DLG2: variants seen among roughly 807,000 people sequenced by gnomAD.
DLG2 encodes discs large MAGUK scaffold protein 2.
In DLG2, 45 loss-of-function variants were observed where a neutral mutation model predicts 132.5. The ratio of observed to expected loss-of-function variants is 0.34; its 90% confidence interval spans 0.27 to 0.44. The LOEUF is 0.44. Ranked by LOEUF, DLG2 falls within the 20% of genes least tolerant of loss-of-function variation. DLG2 has a pLI of 1.00. For missense variants in DLG2, 1,045 were observed against 1,196.9 expected (o/e 0.87, Z 1.87); for synonymous variants, 424 against 419.6 (o/e 1.01, Z -0.13).
chr11:84,415,802 C>A (rs1312904307), intron 7 of DLG2, among the ~76,000 whole-genome samples: 4 of 152,084 alleles, frequency 2.6e-5, no homozygotes, highest in African/African-American at 7.2e-5. Context: ...TTTTGTTGCT[C>A]CAAAACTCAC....
chr11:84,028,868 C>A (rs570728279), intron 11 of DLG2, among the ~76,000 whole-genome samples: 1 of 152,168 alleles, frequency 6.6e-6, no homozygotes, highest in South Asian at 2.1e-4. Context: ...TAACTATTTA[C>A]ATGTCTACTT....
chr11:84,564,211 G>T (rs187570828), intron 6 of DLG2, among the ~76,000 whole-genome samples: 1 of 152,148 alleles, frequency 6.6e-6, no homozygotes, highest in South Asian at 2.1e-4. Context: ...ATTATTGGGG[G>T]TTTTTATAAA....
intron 6 of DLG2, among the ~76,000 whole-genome samples, chr11:84,819,468 C>T (rs549254812): frequency 1.3e-5 from 2 of 151,948 alleles, no homozygotes; most frequent in South Asian, 4.1e-4. Context: ...TCTAACATCA[C>T]TCTCTAACAC....
chr11:85,393,604 G>GTATA (rs145061201), intron 3 of DLG2, among the ~76,000 whole-genome samples: 3 of 143,588 alleles, frequency 2.1e-5, no homozygotes, highest in South Asian at 2.2e-4. Flanking sequence ...AGAAAATGTG[G>GTATA]TATATATATA....
intron 6 of DLG2, among the ~76,000 whole-genome samples, chr11:84,975,081 C>T (rs1382490808): frequency 6.6e-6 from 1 of 151,898 alleles, no homozygotes; most frequent in East Asian, 1.9e-4. Context: ...GCACTTTCAA[C>T]TTTACTTGAT....
At chr11:85,577,867 C>A (rs556895910) in intron 3 of DLG2, among the ~76,000 whole-genome samples, 36 of 152,260 alleles carry the variant, frequency 2.4e-4, no homozygotes, top group African/African-American at 8.7e-4. Flanking sequence ...CACTAACACT[C>A]TTCACAGAAC....
At chr11:84,858,044 C>T (rs1299078879) in intron 6 of DLG2, among the ~76,000 whole-genome samples, 1 of 151,920 alleles carries the variant, frequency 6.6e-6, no homozygotes, top group African/African-American at 2.4e-5. Context: ...AGGTACATGC[C>T]ATCACAGCTG....
chr11:85,122,969 ATTTTTTTTTT>A (rs1175644391), intron 5 of DLG2, among the ~76,000 whole-genome samples: 25 of 86,844 alleles, frequency 2.9e-4, no homozygotes, highest in South Asian at 1.2e-3. Context: ...ATATATATAT[ATTTTTTTTTT>A]TTTTTTTTTT....
intron 6 of DLG2, among the ~76,000 whole-genome samples, chr11:84,859,715 T>C (rs376653553): frequency 6.6e-6 from 1 of 151,914 alleles, no homozygotes; most frequent in African/African-American, 2.4e-5. Flanking sequence ...CTATAAACTG[T>C]GACACTTGTA....
chr11:85,160,389 T>A (rs2077933980), intron 4 of DLG2, among the ~76,000 whole-genome samples: 1 of 152,182 alleles, frequency 6.6e-6, no homozygotes, highest in Admixed American at 6.6e-5. Flanking sequence ...CATAGGTGAA[T>A]CACAGCAGAG....
intron 6 of DLG2, among the ~76,000 whole-genome samples, chr11:85,060,378 A>T (rs2063936066): frequency 6.6e-6 from 1 of 150,422 alleles, no homozygotes; most frequent in African/African-American, 2.4e-5. Context: ...CTCATAATAC[A>T]TCACAAGATG....
At chr11:84,313,860 T>C (rs1210042363) in intron 7 of DLG2, among the ~76,000 whole-genome samples, 3 of 152,196 alleles carry the variant, frequency 2.0e-5, no homozygotes, top group Non-Finnish European at 4.4e-5. Flanking sequence ...ACATCCTAGA[T>C]GTACATTTTG....
chr11:84,384,311 T>C (rs778547658), intron 7 of DLG2, among the ~76,000 whole-genome samples: 1 of 151,986 alleles, frequency 6.6e-6, no homozygotes, highest in African/African-American at 2.4e-5. Flanking sequence ...GCTGAACTAA[T>C]AAATATGGAA....
chr11:84,094,250 A>G (rs533707386), intron 10 of DLG2, among the ~76,000 whole-genome samples: 2 of 152,294 alleles, frequency 1.3e-5, no homozygotes, highest in Admixed American at 1.3e-4. Flanking sequence ...AATAAATAAT[A>G]GTGTGAATTT....
chr11:84,331,450 A>T (rs566987258), intron 7 of DLG2, among the ~76,000 whole-genome samples: 22,750 of 138,328 alleles, frequency 0.16, 1,852 homozygotes, highest in African/African-American at 0.18. Flanking sequence ...TCAAAAAAAA[A>T]AAAAAAAAAA....
chr11:85,145,345 C>T (rs1311800003), intron 5 of DLG2, among the ~76,000 whole-genome samples: 5 of 152,040 alleles, frequency 3.3e-5, no homozygotes, highest in Admixed American at 6.6e-5. Flanking sequence ...CTATGACCTT[C>T]GTCTACCCGA....
At chr11:84,961,421 C>T (rs1351573333) in intron 6 of DLG2, among the ~76,000 whole-genome samples, 1 of 151,938 alleles carries the variant, frequency 6.6e-6, no homozygotes, top group Non-Finnish European at 1.5e-5. Context: ...CAACCATGAT[C>T]CTACATACAG....
chr11:83,594,016 G>A (rs495946), intron 19 of DLG2, among the ~76,000 whole-genome samples: 47,542 of 152,096 alleles, frequency 0.31, 8,557 homozygotes, highest in Admixed American at 0.47. Context: ...GGTTAAAATG[G>A]GAAGTAAAAA....
At chr11:84,298,775 G>C (rs537789794) in intron 7 of DLG2, among the ~76,000 whole-genome samples, 8 of 152,324 alleles carry the variant, frequency 5.3e-5, no homozygotes, top group Non-Finnish European at 1.2e-4. Flanking sequence ...TCATTACAGA[G>C]AGAGAGAGAG....
Sources: gnomAD v4.1 joint callset for allele counts (sites outside exome capture counted in the v4.1 genomes callset) on GRCh38, gnomAD v4.1.1 for gene constraint, MANE v1.5 for transcripts, NCBI Gene and HGNC (gene_info 2026-07-23, HGNC 2026-07-21) for gene names.